NUCB2: variants seen among roughly 807,000 people sequenced by gnomAD.
NUCB2 encodes the protein nucleobindin 2, also known as nucleobindin-2.
NUCB2 carries 48 observed loss-of-function variants against 57.9 expected under a neutral mutation model. The observed-to-expected ratio is 0.83, with a 90% CI of 0.66 to 1.05. NUCB2 has a LOEUF of 1.05. Ranked by LOEUF, NUCB2 falls within the 50% of genes least tolerant of loss-of-function variation. NUCB2 has a pLI of 0.00. For missense variants in NUCB2, 442 were observed against 476.2 expected, an observed-to-expected ratio of 0.93 and a Z score of 0.67; for synonymous variants, 139 against 152.1, an observed-to-expected ratio of 0.91 and a Z score of 0.64.
chr11:17,284,617 C>T (rs952014855), intron 2 of NUCB2, among the ~76,000 whole-genome samples: 4 of 152,162 alleles, frequency 2.6e-5, no homozygotes, highest in Non-Finnish European at 5.9e-5. Flanking sequence ...AGTTCTTTTG[C>T]TGCTAGTATT....
At chr11:17,339,059 C>T (rs1283993394) in intron 2 of NUCB2, among the ~76,000 whole-genome samples, 7 of 152,016 alleles carry the variant, frequency 4.6e-5, no homozygotes, top group African/African-American at 1.5e-4. Context: ...GCAATCTTGC[C>T]TCACTGCAGC....
chr11:17,339,576 C>G (rs954079862), intron 2 of NUCB2, among the ~76,000 whole-genome samples: 2 of 138,278 alleles, frequency 1.4e-5, no homozygotes, highest in African/African-American at 5.4e-5. Flanking sequence ...TTGTTCAGTT[C>G]CCACCTATGA....
intron 2 of NUCB2, among the ~76,000 whole-genome samples, chr11:17,294,068 T>G (rs1291191944): frequency 6.6e-6 from 1 of 152,222 alleles, no homozygotes; most frequent in Non-Finnish European, 1.5e-5. Flanking sequence ...AAACCCAAAA[T>G]GCACACCTAT....
At chr11:17,311,512 C>G (rs1176108058) in intron 8 of NUCB2, among the ~76,000 whole-genome samples, 1 of 152,130 alleles carries the variant, frequency 6.6e-6, no homozygotes, top group African/African-American at 2.4e-5. Context: ...ATATGAATTA[C>G]TGCAAAGTTC....
chr11:17,300,967 C>CTTTTTT (rs71047541), intron 4 of NUCB2, among the ~76,000 whole-genome samples: 61 of 84,400 alleles, frequency 7.2e-4, no homozygotes, highest in Non-Finnish European at 9.0e-4. Flanking sequence ...TAAAGCTAAT[C>CTTTTTT]TTTTTTTTTT....
At chr11:17,323,146 CTTG>C (rs1211980965) in intron 11 of NUCB2, among the ~76,000 whole-genome samples, 1 of 152,058 alleles carries the variant, frequency 6.6e-6, no homozygotes, top group East Asian at 1.9e-4. Context: ...AGCGAGCATC[CTTG>C]TTGTGTTCCA....
At chr11:17,281,875 A>G (rs1422631372) in intron 1 of NUCB2, among the ~76,000 whole-genome samples, 2 of 152,004 alleles carry the variant, frequency 1.3e-5, no homozygotes, top group Non-Finnish European at 2.9e-5. Flanking sequence ...TTAACAGACT[A>G]CTTAGAAATA....
At chr11:17,290,503 G>T (rs1462559797) in intron 2 of NUCB2, among the ~76,000 whole-genome samples, 1 of 152,006 alleles carries the variant, frequency 6.6e-6, no homozygotes. Flanking sequence ...GAGCCCAAGA[G>T]TTTGAGACTG....
At chr11:17,309,723 T>G in intron 6 of NUCB2, 48 bp downstream of exon 6, 24 of 1,175,298 alleles carry the variant, frequency 2.0e-5, no homozygotes, top group Non-Finnish European at 2.7e-5. Context: ...CTTTGAGGTT[T>G]TGTAATTTGA....
chr11:17,315,884 C>T (rs1194818806), intron 11 of NUCB2, among the ~76,000 whole-genome samples: 1 of 140,786 alleles, frequency 7.1e-6, no homozygotes, highest in Non-Finnish European at 1.6e-5. Context: ...TGCACATATA[C>T]AGTATGTAAA....
chr11:17,342,034 T>C (rs1591639092), intron 2 of NUCB2, among the ~76,000 whole-genome samples: 1 of 152,282 alleles, frequency 6.6e-6, no homozygotes, highest in South Asian at 2.1e-4. Flanking sequence ...TTCTTCTGGG[T>C]TTAGTCTTGG....
chr11:17,313,880 G>A (rs1948869196), intron 10 of NUCB2, among the ~76,000 whole-genome samples: 1 of 151,998 alleles, frequency 6.6e-6, no homozygotes, highest in Non-Finnish European at 1.5e-5. Context: ...CTCTCCTTAA[G>A]TGATAGTGTG....
intron 5 of NUCB2, among the ~76,000 whole-genome samples, chr11:17,306,558 C>T (rs961832714): frequency 1.3e-5 from 2 of 152,164 alleles, no homozygotes; most frequent in African/African-American, 4.8e-5. Context: ...GGGACAACTT[C>T]CATCCCCTCA....
intron 2 of NUCB2, among the ~76,000 whole-genome samples, chr11:17,341,882 G>T (rs1360180062): frequency 6.6e-6 from 1 of 152,198 alleles, no homozygotes; most frequent in Non-Finnish European, 1.5e-5. Flanking sequence ...AATAGTTTCA[G>T]AAGGAATGGT....
rs1045045662 is a variant in NUCB2, at chr11:17,292,020, C to CT, written c.1-3295dup. ...AATGGTGTGAATACAAGCAGCTTTT[C>CT]TTTTTTTTTAATTTTATTTCTGTTT... On this transcript the variant is annotated intron_variant, in intron 2 of 13. Coordinates refer to ENST00000529010, the MANE Select transcript of NUCB2 (RefSeq NM_005013.4). Among the ~76,000 whole-genome samples the CT allele has an allele frequency of 5.3e-5, 8 of 150,812 alleles. 1 individual carries two copies. The South Asian group carries it at 8.4e-4, about 16-fold the overall frequency.
At chr11:17,288,552 C>CTTTTTTTTTTTTTTTTTT (rs1362783048) in intron 2 of NUCB2, among the ~76,000 whole-genome samples, 48 of 101,172 alleles carry the variant, frequency 4.7e-4, no homozygotes, top group Admixed American at 6.1e-4. Context: ...TCTTCTTCTT[C>CTTTTTTTTTTTTTTTTTT]TTTTTTTTTT....
At chr11:17,301,641 A>G in intron 4 of NUCB2, 103 bp from the exon 5 acceptor site, 2 of 701,300 alleles carry the variant, frequency 2.9e-6, no homozygotes, top group Non-Finnish European at 4.7e-6. Context: ...AAATTAGTCA[A>G]AAGTATTTAT....
In NUCB2 at chr11:17,282,258, A is replaced by ATATT. The variant is rs1388672393; in HGVS notation, c.-155-530_-155-529insATTT. Reference sequence around the variant, plus strand: ...TATCTATATATATATATATATATATATTTTTTTTTTTTTTTCCCAAGACAG... The same window carrying ATATT: ...TATCTATATATATATATATATATATATATTTTTTTTTTTTTTTTTCCCAAGACAG... On this transcript the variant is annotated intron_variant, in intron 1 of 13. Transcript: ENST00000529010. Among the ~76,000 whole-genome samples the ATATT allele has an allele frequency of 6.7e-3, 688 of 103,362 alleles. 3 individuals carry two copies. The highest frequency in any genetic ancestry group is 0.011 in the East Asian group (32 of 2,976). The allele number at this position is 103,362 out of a possible 152,430, so 67.8% of individuals were successfully genotyped here. A position where few individuals can be genotyped will look rare whatever the true frequency, so the allele number is the denominator to read the frequency against.
At chr11:17,340,838 G>GT (rs1441365600) in intron 2 of NUCB2, among the ~76,000 whole-genome samples, 2 of 152,148 alleles carry the variant, frequency 1.3e-5, no homozygotes, top group Non-Finnish European at 2.9e-5. Context: ...CTTTAAAGTA[G>GT]TTTTTTCCAA....
Sources: gnomAD v4.1 joint callset for allele counts (sites outside exome capture counted in the v4.1 genomes callset) on GRCh38, gnomAD v4.1.1 for gene constraint, MANE v1.5 for transcripts, NCBI Gene and HGNC (gene_info 2026-07-23, HGNC 2026-07-21) for gene names.